Variants in MGMT observed in about 807,000 individuals in gnomAD.
The protein encoded by MGMT is methylated-DNA--protein-cysteine methyltransferase.
In MGMT, 14 loss-of-function variants were observed where a neutral mutation model predicts 15.9. That is an observed-to-expected ratio of 0.88 (90% CI 0.58 to 1.37). MGMT has a LOEUF of 1.37. Ranked by LOEUF, MGMT falls within the 40% of genes most tolerant of loss-of-function variation. The pLI is 0.00. For synonymous variants in MGMT, 130 were observed against 118.2 expected, an observed-to-expected ratio of 1.10 and a Z score of -0.65; for missense variants, 282 against 268.1, an observed-to-expected ratio of 1.05 and a Z score of -0.36.
intron 3 of MGMT, among the ~76,000 whole-genome samples, chr10:129,725,013 C>G (rs1239441838): frequency 6.6e-6 from 1 of 152,182 alleles, no homozygotes; most frequent in Non-Finnish European, 1.5e-5. Context: ...GTGGACCTCC[C>G]GGTCCTCTCC....
chr10:129,567,404 A>C (rs1031768977), intron 2 of MGMT, among the ~76,000 whole-genome samples: 1 of 152,032 alleles, frequency 6.6e-6, no homozygotes, highest in African/African-American at 2.4e-5. Flanking sequence ...TTGGTGCTGG[A>C]GAGCTGTGGG....
chr10:129,504,075 A>G (rs1404176479), intron 1 of MGMT, among the ~76,000 whole-genome samples: 1 of 152,220 alleles, frequency 6.6e-6, no homozygotes, highest in Non-Finnish European at 1.5e-5. Context: ...TTCCTGGATA[A>G]TATCCATCTA....
In MGMT at chr10:129,770,755, G is replaced by A. The variant is rs1283200941; in HGVS notation, c.*3758G>A. 6.6e-5 allele frequency among the ~76,000 whole-genome samples: 10 copies of A among 152,200 alleles called. No individual in the cohort carries two copies. The South Asian group carries it at 1.0e-3, about 16-fold the overall frequency. On this transcript the variant is annotated 3_prime_UTR_variant, in exon 5 of 5. Coordinates refer to ENST00000651593, the MANE Select transcript of MGMT (RefSeq NM_002412.5). ...AAGATTTTACTGAAAGACCAATCCC[G>A]AAACGGCCCTTGCTTCGGCCACAGC... is the stretch of plus-strand genomic sequence containing the variant.
intron 3 of MGMT, among the ~76,000 whole-genome samples, chr10:129,721,519 A>G (rs1394662812): frequency 6.6e-6 from 1 of 152,230 alleles, no homozygotes; most frequent in African/African-American, 2.4e-5. Flanking sequence ...ATTTTCTTCT[A>G]TTATTTTATT....
At chr10:129,515,229 G>A (rs1402072063) in intron 1 of MGMT, among the ~76,000 whole-genome samples, 1 of 152,210 alleles carries the variant, frequency 6.6e-6, no homozygotes, top group Non-Finnish European at 1.5e-5. Context: ...AGGACAGGCG[G>A]GACCCACAGC....
chr10:129,661,701 GT>G (rs1847600310), intron 2 of MGMT, among the ~76,000 whole-genome samples: 1 of 152,128 alleles, frequency 6.6e-6, no homozygotes, highest in Non-Finnish European at 1.5e-5. Flanking sequence ...GAGTTTTAAA[GT>G]TTTCCGCAAT....
chr10:129,609,277 G>A (rs80138776), intron 2 of MGMT, among the ~76,000 whole-genome samples: 3,945 of 151,692 alleles, frequency 0.026, 81 homozygotes, highest in South Asian at 0.065. Flanking sequence ...TGGTAGAACT[G>A]GAATCGTTGG....
intron 2 of MGMT, chr10:129,701,822 C>A (rs1735032763): frequency 6.6e-6 from 1 of 152,180 alleles, no homozygotes; most frequent in African/African-American, 2.4e-5. Context: ...TCTCTCATCA[C>A]CCCCAGCTCT....
rs1365122622 is a variant in MGMT, at chr10:129,608,622, G to A, written c.125+72245G>A. Among the ~76,000 whole-genome samples, 11 of 152,284 alleles carry A rather than the reference G, an allele frequency of 7.2e-5. No homozygotes were observed. The South Asian group carries it at 8.3e-4, about 11-fold the overall frequency. ...ATAATCTCTCTGCGTATAATTATAC[G>A]CTCTTCGATTTAGTTTTTCTATTTA... On this transcript the variant is annotated intron_variant, in intron 2 of 4. Coordinates refer to ENST00000651593, the MANE Select transcript of MGMT (RefSeq NM_002412.5).
chr10:129,604,816 C>G (rs555704808), intron 2 of MGMT, among the ~76,000 whole-genome samples: 94 of 150,204 alleles, frequency 6.3e-4, no homozygotes, highest in Admixed American at 1.4e-3. Context: ...AGACCTTTAC[C>G]CCAGTCTCAA....
At chr10:129,586,766 G>A (rs1428025049) in intron 2 of MGMT, among the ~76,000 whole-genome samples, 3 of 152,194 alleles carry the variant, frequency 2.0e-5, no homozygotes, top group Non-Finnish European at 4.4e-5. Flanking sequence ...GATCCTATGG[G>A]CAATGGGTGT....
chr10:129,497,476 C>T (rs1013760653), intron 1 of MGMT, among the ~76,000 whole-genome samples: 23 of 152,108 alleles, frequency 1.5e-4, no homozygotes, highest in Non-Finnish European at 7.4e-5. Flanking sequence ...TTTGGGGGGA[C>T]TTTTTATTTT....
intron 4 of MGMT, among the ~76,000 whole-genome samples, chr10:129,765,571 G>A (rs1016468671): frequency 1.3e-5 from 2 of 152,186 alleles, no homozygotes; most frequent in Non-Finnish European, 2.9e-5. Context: ...CAGGGGGTGG[G>A]GGGCCAGTGG....
chr10:129,531,692 A>T (rs1034192638), intron 1 of MGMT, among the ~76,000 whole-genome samples: 43 of 151,614 alleles, frequency 2.8e-4, no homozygotes, highest in Middle Eastern at 3.2e-3. Flanking sequence ...TGTCTACCGG[A>T]AAAAAAGGTA....
At chr10:129,497,885 C>T (rs1845538666) in intron 1 of MGMT, among the ~76,000 whole-genome samples, 1 of 152,214 alleles carries the variant, frequency 6.6e-6, no homozygotes, top group African/African-American at 2.4e-5. Flanking sequence ...CCTTATCAGA[C>T]ACGGGCTCTG....
intron 3 of MGMT, among the ~76,000 whole-genome samples, chr10:129,748,765 T>C (rs1400479951): frequency 6.6e-6 from 1 of 152,212 alleles, no homozygotes; most frequent in African/African-American, 2.4e-5. Context: ...CTCTAATCCA[T>C]TACCACATGG....
rs188747446 is a variant in MGMT at position 129,477,167 on chromosome 10, G to A, written c.-13+9871G>A. Among the ~76,000 whole-genome samples the A allele has an allele frequency of 4.2e-4, 64 of 152,244 alleles. 1 individual carries two copies. Among genetic ancestry groups the A allele is most frequent in the Non-Finnish European group, 6.5e-4 (44 of 68,000 alleles). On this transcript the variant is annotated intron_variant, in intron 1 of 4. Coordinates refer to ENST00000651593, the MANE Select transcript of MGMT (RefSeq NM_002412.5). ...GAACCTCTTCTGACCCGATCCCCAC[G>A]CAGACATGCTCTGCTGCCCTCTCTC...
chr10:129,719,305 C>T (rs1028976981), intron 3 of MGMT, among the ~76,000 whole-genome samples: 10 of 152,232 alleles, frequency 6.6e-5, no homozygotes, highest in Non-Finnish European at 1.5e-5. Flanking sequence ...ACCATGTGGG[C>T]CCTACTCTTG....
chr10:129,647,880 T>C (rs1847414937), intron 2 of MGMT, among the ~76,000 whole-genome samples: 1 of 152,230 alleles, frequency 6.6e-6, no homozygotes, highest in African/African-American at 2.4e-5. Flanking sequence ...AAATGTTCTT[T>C]TACATAAAGC....
Sources: allele counts gnomAD v4.1 joint callset (sites outside exome capture counted in the v4.1 genomes callset), GRCh38; gene constraint gnomAD v4.1.1; transcripts MANE v1.5; gene names NCBI Gene and HGNC (gene_info 2026-07-23, HGNC 2026-07-21).